OLA1: variants seen among roughly 807,000 people sequenced by gnomAD.
OLA1 encodes the protein Obg like ATPase 1.
Under a neutral mutation model 48.4 loss-of-function variants are expected in OLA1, and 14 were observed. That is an observed-to-expected ratio of 0.29 (90% CI 0.19 to 0.45). The LOEUF is 0.45. Among genes scored for constraint, OLA1 ranks in the 20% least tolerant of loss-of-function variants. The probability of loss-of-function intolerance (pLI) is 1.00; values close to 1 mark genes in which losing one functional copy is unlikely to be tolerated. For missense variants in OLA1, 325 were observed against 467.1 expected, an observed-to-expected ratio of 0.70 and a Z score of 2.80; for synonymous variants, 127 against 150.4, an observed-to-expected ratio of 0.84 and a Z score of 1.14.
At position 174,146,813 on chromosome 2, in the gene OLA1, T is replaced by C. The variant is rs141167266; in HGVS notation, c.374-4813A>G. ...GAGCTAAATTTTAGCTTTTCTAAAT[T>C]CACTGAATTTTGAGAACATTTCCTC... On this transcript the variant is annotated intron_variant, in intron 4 of 10. Coordinates refer to ENST00000284719, the MANE Select transcript of OLA1 (RefSeq NM_013341.5). Among the ~76,000 whole-genome samples, 138 of 152,316 alleles carry C rather than the reference T, an allele frequency of 9.1e-4. 1 individual carries two copies. In the Middle Eastern group the frequency reaches 0.014, roughly 15 times the overall value.
intron 5 of OLA1, among the ~76,000 whole-genome samples, chr2:174,128,550 C>T (rs972783373): frequency 3.3e-5 from 5 of 151,356 alleles, no homozygotes; most frequent in South Asian, 2.1e-4. Flanking sequence ...GCCAACATAG[C>T]GAAACCCCAT....
At chr2:174,216,215 A>G (rs1688357357) in intron 4 of OLA1, among the ~76,000 whole-genome samples, 2 of 152,176 alleles carry the variant, frequency 1.3e-5, no homozygotes, top group Admixed American at 1.3e-4. Flanking sequence ...AGGCAGGAGG[A>G]TAACTTGAGC....
chr2:174,208,318 G>A (rs370757835), intron 4 of OLA1, among the ~76,000 whole-genome samples: 1 of 152,068 alleles, frequency 6.6e-6, no homozygotes, highest in Admixed American at 6.6e-5. Context: ...AAGGTCAAGG[G>A]TCTACTATAA....
At chr2:174,142,895 A>C (rs1413373145) in intron 4 of OLA1, among the ~76,000 whole-genome samples, 1 of 152,212 alleles carries the variant, frequency 6.6e-6, no homozygotes, top group Non-Finnish European at 1.5e-5. Flanking sequence ...ATTTATAAAC[A>C]AATTAATTTC....
At position 174,073,403 on chromosome 2, in the gene OLA1, G is replaced by A. The variant is rs1684651503; in HGVS notation, c.*2023C>T. On this transcript the variant is annotated 3_prime_UTR_variant, in exon 11 of 11. Transcript: ENST00000284719. ...ATATATTAACTTTATCAATATTAAA[G>A]GAGGGAAAACGTTTAGATATAGGCA... 1.3e-5 allele frequency: 2 copies of A among 152,130 alleles called. No homozygotes were observed. The highest frequency in any genetic ancestry group is 4.8e-5 in the African/African-American group (2 of 41,410). 9.4% of individuals were successfully genotyped at this position (152,130 alleles called of 1,614,324 possible). A position where few individuals can be genotyped will look rare whatever the true frequency, so the allele number is the denominator to read the frequency against.
chr2:174,086,342 G>A (rs879363935), intron 7 of OLA1, among the ~76,000 whole-genome samples: 1 of 152,060 alleles, frequency 6.6e-6, no homozygotes, highest in Non-Finnish European at 1.5e-5. Context: ...CCTGGAAACT[G>A]TTCCTTGACT....
At chr2:174,139,877 A>AAAAG (rs1317486177) in intron 5 of OLA1, among the ~76,000 whole-genome samples, 1 of 144,424 alleles carries the variant, frequency 6.9e-6, no homozygotes, top group African/African-American at 2.5e-5. Context: ...AAAAAAAAAA[A>AAAAG]AAAGAAAGAA....
intron 4 of OLA1, among the ~76,000 whole-genome samples, chr2:174,151,538 A>G (rs1686745720): frequency 6.6e-6 from 1 of 152,198 alleles, no homozygotes; most frequent in Non-Finnish European, 1.5e-5. Flanking sequence ...AGATTCCTAA[A>G]CCAATAGAAG....
intron 4 of OLA1, among the ~76,000 whole-genome samples, chr2:174,221,610 T>A (rs902094970): frequency 2.0e-5 from 3 of 152,170 alleles, no homozygotes; most frequent in African/African-American, 7.2e-5. Context: ...GTCACGTGTG[T>A]CCTATCAATT....
At chr2:174,113,268 TG>T (rs1218873692) in intron 7 of OLA1, among the ~76,000 whole-genome samples, 15 of 152,198 alleles carry the variant, frequency 9.9e-5, no homozygotes, top group Non-Finnish European at 1.6e-4. Context: ...TAACAAATTA[TG>T]GTTTGCTATA....
intron 4 of OLA1, among the ~76,000 whole-genome samples, chr2:174,221,149 A>G (rs777362196): frequency 1.3e-5 from 2 of 152,210 alleles, no homozygotes; most frequent in Non-Finnish European, 2.9e-5. Flanking sequence ...TCTGAGATCA[A>G]TCATACTAAG....
At chr2:174,216,531 T>C (rs1191538298) in intron 4 of OLA1, among the ~76,000 whole-genome samples, 2 of 152,058 alleles carry the variant, frequency 1.3e-5, no homozygotes, top group Admixed American at 6.6e-5. Flanking sequence ...TAAAATACAG[T>C]ATAGTACTGT....
At position 174,072,661 on chromosome 2, in the gene OLA1, TGAAAG is replaced by T. The variant is rs1338734228; in HGVS notation, c.*2760_*2764del. 4 of 152,192 alleles carry T rather than the reference TGAAAG, an allele frequency of 2.6e-5. No homozygotes were observed. Among genetic ancestry groups the T allele is most frequent in the African/African-American group, 9.7e-5 (4 of 41,434 alleles). The allele number at this position is 152,192 out of a possible 1,614,324, so 9.4% of individuals were successfully genotyped here. The stretch of plus-strand genomic sequence containing the variant: ...GAGATACCGTCTCTGACTCTCTGAA[TGAAAG>T]GAGACGGGGTTTACAAAGGAGCTTT... On this transcript the variant is annotated 3_prime_UTR_variant, in exon 11 of 11. Coordinates refer to ENST00000284719, the MANE Select transcript of OLA1 (RefSeq NM_013341.5).
intron 7 of OLA1, among the ~76,000 whole-genome samples, chr2:174,103,237 C>A: frequency 6.6e-6 from 1 of 152,134 alleles, no homozygotes; most frequent in East Asian, 1.9e-4. Context: ...AAGCAAATCA[C>A]TGCACATATT....
At chr2:174,219,453 T>A (rs1326447013) in intron 4 of OLA1, among the ~76,000 whole-genome samples, 1 of 135,998 alleles carries the variant, frequency 7.4e-6, no homozygotes, top group Non-Finnish European at 1.6e-5. Flanking sequence ...TTTTTTGCGA[T>A]GGGTCTCACT....
At chr2:174,133,590 C>T (rs1242060966) in intron 5 of OLA1, among the ~76,000 whole-genome samples, 1 of 152,144 alleles carries the variant, frequency 6.6e-6, no homozygotes, top group African/African-American at 2.4e-5. Context: ...AAGCAATCCA[C>T]CCCCTCAGCC....
intron 4 of OLA1, among the ~76,000 whole-genome samples, chr2:174,157,155 T>C (rs950407153): frequency 1.3e-5 from 2 of 152,182 alleles, no homozygotes; most frequent in Non-Finnish European, 2.9e-5. Flanking sequence ...GTTAAAAAGA[T>C]ACATATTTTA....
intron 9 of OLA1, chr2:174,079,398 G>T: frequency 5.2e-6 from 1 of 191,124 alleles, no homozygotes; most frequent in Non-Finnish European, 1.1e-5. Flanking sequence ...TCTTCACAGT[G>T]GAAAAAAATA....
At chr2:174,243,353 C>T (rs1160126473) in intron 2 of OLA1, among the ~76,000 whole-genome samples, 4 of 152,124 alleles carry the variant, frequency 2.6e-5, no homozygotes, top group South Asian at 2.1e-4. Flanking sequence ...TGCTTGAGCC[C>T]GGGAGATTTA....
Sources: gnomAD v4.1 joint callset for allele counts (sites outside exome capture counted in the v4.1 genomes callset) on GRCh38, gnomAD v4.1.1 for gene constraint, MANE v1.5 for transcripts, NCBI Gene and HGNC (gene_info 2026-07-23, HGNC 2026-07-21) for gene names.